Variants in AGAP1 observed in about 807,000 individuals in gnomAD.
AGAP1 encodes ArfGAP with GTPase domain, ankyrin repeat and PH domain 1, also known as arf-GAP with GTPase, ANK repeat and PH domain-containing protein 1.
A neutral mutation model predicts 105.3 loss-of-function variants in AGAP1; 29 were observed. That is an observed-to-expected ratio of 0.28 (90% CI 0.21 to 0.38). The LOEUF (loss-of-function observed/expected upper bound fraction) is 0.38. AGAP1 is among the 10% of genes least tolerant of loss of function. The probability of loss-of-function intolerance (pLI) is 1.00; values close to 1 mark genes in which losing one functional copy is unlikely to be tolerated. For synonymous variants in AGAP1, 509 were observed against 485.9 expected, an observed-to-expected ratio of 1.05 and a Z score of -0.63; for missense variants, 998 against 1,165.1, an observed-to-expected ratio of 0.86 and a Z score of 2.09.
rs528700572 is a variant in AGAP1, at chr2:235,992,201, C to A, written c.1645+23578C>A. ...GTGGTTAGGAGCGCAGCGGAGGAGC[C>A]GGTCTTCCTGGGTCCATGTTGCGTG... On this transcript the variant is annotated intron_variant, in intron 13 of 17. Transcript: ENST00000304032. This position sits in a 1 kb window ranked among gnomAD's most constrained non-coding sequence, Gnocchi z 4.8. Among the ~76,000 whole-genome samples the A allele has an allele frequency of 1.3e-5, 2 of 152,062 alleles. No individual in the cohort carries two copies. Among genetic ancestry groups the A allele is most frequent in the East Asian group, 1.9e-4 (1 of 5,162 alleles).
chr2:236,109,630 A>G lies in AGAP1; in HGVS notation c.2115-10562A>G, dbSNP rs1034332643. Among the ~76,000 whole-genome samples the G allele has an allele frequency of 1.2e-4, 19 of 152,102 alleles. No homozygotes were observed. The highest frequency in any genetic ancestry group is 4.1e-4 in the African/African-American group (17 of 41,496). ...GTCGGCAGCAGTGTCGGTGTTCTAG[A>G]CCGGCAGCCGTGGGAACGTCCTAGT... On this transcript the variant is annotated intron_variant, in intron 16 of 17. Transcript: ENST00000304032. The surrounding 1 kb of genome is among the most constrained non-coding windows in gnomAD (Gnocchi z 5.4).
In AGAP1 at chr2:236,079,267, C is replaced by A. The variant is rs1252358664; in HGVS notation, c.2114+29986C>A. On this transcript the variant is annotated intron_variant, in intron 16 of 17. Transcript: ENST00000304032. Reference sequence around the variant, plus strand: ...AGGCACGGTGGCTTACACCTGTAATCCCAGCACTTTGGGAGGCCAAGCGGG... The same window carrying A: ...AGGCACGGTGGCTTACACCTGTAATACCAGCACTTTGGGAGGCCAAGCGGG... 3.4e-5 allele frequency among the ~76,000 whole-genome samples: 5 copies of A among 145,584 alleles called. No homozygotes were observed. In the East Asian group the frequency reaches 7.7e-4, roughly 23 times the overall value.
At chr2:235,580,574 T>C (rs905707634) in intron 1 of AGAP1, among the ~76,000 whole-genome samples, 9 of 152,138 alleles carry the variant, frequency 5.9e-5, no homozygotes, top group Non-Finnish European at 1.2e-4. Context: ...CATTAACATA[T>C]GAAAAAACAG....
rs1181504354 is a variant in AGAP1 at position 235,736,300 on chromosome 2, T to TGACA, written c.311-4661_311-4658dup. On this transcript the variant is annotated intron_variant, in intron 3 of 17. Transcript: ENST00000304032. This position sits in a 1 kb window ranked among gnomAD's most constrained non-coding sequence, Gnocchi z 5.5. ...GGTGTGCCTGGGCCAGATGCATGTC[T>TGACA]GACAGGGACATCAGGTTTGGGGAGA... Among the ~76,000 whole-genome samples, 1 of 152,064 alleles carries TGACA rather than the reference T, an allele frequency of 6.6e-6. No homozygotes were observed. Among genetic ancestry groups the TGACA allele is most frequent in the African/African-American group, 2.4e-5 (1 of 41,426 alleles).
rs1183520343 is a variant in AGAP1, at chr2:236,090,318, A to G, written c.2115-29874A>G. Among the ~76,000 whole-genome samples, 5 of 152,266 alleles carry G rather than the reference A, an allele frequency of 3.3e-5. No homozygotes were observed. Among genetic ancestry groups the G allele is most frequent in the Non-Finnish European group, 7.3e-5 (5 of 68,050 alleles). On this transcript the variant is annotated intron_variant, in intron 16 of 17. Coordinates refer to ENST00000304032, the MANE Select transcript of AGAP1 (RefSeq NM_001037131.3). The surrounding 1 kb of genome is among the most constrained non-coding windows in gnomAD (Gnocchi z 4.3). ...GCCACCCTCTTATTTCAAGAGCATG[A>G]TAGAAATATTCAGAAGCAGACATAA...
In AGAP1 at chr2:235,701,310, C is replaced by T. The variant is rs145689216; in HGVS notation, c.164-7869C>T. Among the ~76,000 whole-genome samples, 98 of 152,090 alleles carry T rather than the reference C, an allele frequency of 6.4e-4. No individual in the cohort carries two copies. Among genetic ancestry groups the T allele is most frequent in the East Asian group, 1.2e-3 (6 of 5,182 alleles). On this transcript the variant is annotated intron_variant, in intron 1 of 17. Coordinates refer to ENST00000304032, the MANE Select transcript of AGAP1 (RefSeq NM_001037131.3). This position sits in a 1 kb window ranked among gnomAD's most constrained non-coding sequence, Gnocchi z 4.1. ...GAGAGAGGACCCAGTCAAATGCTGACGTTGTTGTGACAGATTCTAAGTCGC... is the reference window on the plus strand; with the variant it reads ...GAGAGAGGACCCAGTCAAATGCTGATGTTGTTGTGACAGATTCTAAGTCGC...
chr2:235,651,106 G>A (rs1033188086), intron 1 of AGAP1, among the ~76,000 whole-genome samples: 1 of 143,414 alleles, frequency 7.0e-6, no homozygotes, highest in Admixed American at 7.3e-5. Context: ...AGTTGAACCC[G>A]AGAGGCAGAG....
chr2:235,897,210 T>C (rs1013910078), intron 10 of AGAP1, among the ~76,000 whole-genome samples: 7 of 152,114 alleles, frequency 4.6e-5, no homozygotes, highest in Non-Finnish European at 1.0e-4. Context: ...CGGCTAATTT[T>C]TATATTGTTG....
intron 1 of AGAP1, among the ~76,000 whole-genome samples, chr2:235,638,454 A>G (rs59425012): frequency 0.17 from 25,616 of 152,236 alleles, 2,379 homozygotes; most frequent in Non-Finnish European, 0.2. Context: ...CAAATTGTGA[A>G]TAGAGACTAG....
intron 15 of AGAP1, among the ~76,000 whole-genome samples, chr2:236,047,674 A>G (rs898651721): frequency 7.9e-6 from 1 of 125,850 alleles, no homozygotes; most frequent in African/African-American, 3.2e-5. Context: ...ATCTCCACTC[A>G]CTGCAACCTC....
chr2:235,827,433 ATATTTCTCCTGG>A (rs1163513594), intron 9 of AGAP1, among the ~76,000 whole-genome samples: 1 of 152,118 alleles, frequency 6.6e-6, no homozygotes, highest in African/African-American at 2.4e-5. Flanking sequence ...TTTCTACTTG[ATATTTCTCCTGG>A]TATTTCTGCA....
At chr2:235,914,397 A>G (rs1395823269) in intron 11 of AGAP1, among the ~76,000 whole-genome samples, 1 of 151,890 alleles carries the variant, frequency 6.6e-6, no homozygotes, top group East Asian at 1.9e-4. Flanking sequence ...CTTACACTCA[A>G]GTGGGGGTGG....
intron 1 of AGAP1, among the ~76,000 whole-genome samples, chr2:235,588,081 T>TA (rs1394068931): frequency 6.6e-6 from 1 of 151,772 alleles, no homozygotes; most frequent in African/African-American, 2.4e-5. Flanking sequence ...AATACAAAAA[T>TA]CAGTCGGGCA....
Position 236,033,884 on chromosome 2 carries a change from T to C in AGAP1, c.1646-2677T>C, listed in dbSNP as rs575898500. Among the ~76,000 whole-genome samples the C allele has an allele frequency of 4.6e-5, 7 of 152,374 alleles. No homozygotes were observed. The South Asian group carries it at 1.4e-3, about 32-fold the overall frequency. On this transcript the variant is annotated intron_variant, in intron 13 of 17. Transcript: ENST00000304032. ...AATTTAACCGGGAAGCTAATGGTTG[T>C]AATTTTTTTCACTAGAAGATCCAAT...
chr2:235,737,842 G>T lies in AGAP1; in HGVS notation c.311-3121G>T, dbSNP rs6711814. Among the ~76,000 whole-genome samples, 3,273 of 152,116 alleles carry T rather than the reference G, an allele frequency of 0.022. 116 individuals are homozygous for T. Among genetic ancestry groups the T allele is most frequent in the African/African-American group, 0.067 (2,792 of 41,498 alleles). ...TTGCTCTGGAGGTGACACAGTCTAG[G>T]GATCTAGTGAGGAATGGGACCTGGG... On this transcript the variant is annotated intron_variant, in intron 3 of 17. Transcript: ENST00000304032. This position sits in a 1 kb window ranked among gnomAD's most constrained non-coding sequence, Gnocchi z 4.5.
At chr2:235,585,985 A>G (rs1206885478) in intron 1 of AGAP1, among the ~76,000 whole-genome samples, 1 of 152,216 alleles carries the variant, frequency 6.6e-6, no homozygotes, top group Non-Finnish European at 1.5e-5. Context: ...TCAGGGTTGC[A>G]GCTGCCACTG....
In AGAP1 at chr2:235,600,291, C is replaced by T. The variant is rs1945685322; in HGVS notation, c.163+105442C>T. On this transcript the variant is annotated intron_variant, in intron 1 of 17. Transcript: ENST00000304032. The surrounding 1 kb of genome is among the most constrained non-coding windows in gnomAD (Gnocchi z 4.8). ...TGTGCCTGCTTCCAGGGGGCTGCTC[C>T]TAAGGGAGGTGCTGGCACTACCTTT... Among the ~76,000 whole-genome samples, 1 of 152,132 alleles carries T rather than the reference C, an allele frequency of 6.6e-6. No homozygotes were observed. The highest frequency in any genetic ancestry group is 2.4e-5 in the African/African-American group (1 of 41,412).
At chr2:235,651,110 G>T (rs766787521) in intron 1 of AGAP1, among the ~76,000 whole-genome samples, 6 of 146,812 alleles carry the variant, frequency 4.1e-5, no homozygotes, top group African/African-American at 7.6e-5. Flanking sequence ...GAACCCGAGA[G>T]GCAGAGGTTG....
intron 9 of AGAP1, among the ~76,000 whole-genome samples, chr2:235,847,162 C>T (rs1106710): frequency 0.47 from 71,504 of 152,112 alleles, 19,398 homozygotes; most frequent in East Asian, 0.8. Flanking sequence ...CTTTAGGTTT[C>T]GAGAATGGGT....
Sources: gnomAD v4.1 joint callset for allele counts (sites outside exome capture counted in the v4.1 genomes callset) on GRCh38, gnomAD v4.1.1 for gene constraint, Gnocchi (gnomAD v3.1) non-coding constraint, MANE v1.5 for transcripts, NCBI Gene and HGNC (gene_info 2026-07-23, HGNC 2026-07-21) for gene names.